FRMD4B: variants seen among roughly 807,000 people sequenced by gnomAD.
FRMD4B encodes FERM domain containing 4B.
FRMD4B carries 74 observed loss-of-function variants against 141.5 expected under a neutral mutation model. That is an observed-to-expected ratio of 0.52 (90% CI 0.43 to 0.63). The LOEUF is 0.63. Among genes scored for constraint, FRMD4B ranks in the 30% least tolerant of loss-of-function variants. The pLI is 0.00. For synonymous variants in FRMD4B, 506 were observed against 467.9 expected, an observed-to-expected ratio of 1.08 and a Z score of -1.05; for missense variants, 1,366 against 1,253.4, an observed-to-expected ratio of 1.09 and a Z score of -1.36.
In FRMD4B at chr3:69,344,494, T is replaced by C. The variant is rs116816182; in HGVS notation, c.163-30977A>G. Among the ~76,000 whole-genome samples the C allele has an allele frequency of 9.5e-3, 1,446 of 152,252 alleles. 24 individuals carry two copies. The highest frequency in any genetic ancestry group is 0.033 in the African/African-American group (1,360 of 41,544). On this transcript the variant is annotated intron_variant, in intron 1 of 22. Coordinates refer to ENST00000398540, the MANE Select transcript of FRMD4B (RefSeq NM_015123.3). ...TACAGAGCATTTCTAAGCTGAAAAA[T>C]AGCCTCAGCATTAGTCTAATCCCTT... is the stretch of plus-strand genomic sequence containing the variant.
At chr3:69,234,590 C>G (rs1432262241) in intron 7 of FRMD4B, among the ~76,000 whole-genome samples, 1 of 152,154 alleles carries the variant, frequency 6.6e-6, no homozygotes, top group African/African-American at 2.4e-5. Flanking sequence ...CTGGACTTAA[C>G]AACTAGAAAT....
At chr3:69,352,738 C>A (rs1247038805) in intron 1 of FRMD4B, among the ~76,000 whole-genome samples, 3 of 152,166 alleles carry the variant, frequency 2.0e-5, no homozygotes, top group Non-Finnish European at 4.4e-5. Flanking sequence ...TGGAAGCCGT[C>A]CCCAAAAATG....
intron 1 of FRMD4B, among the ~76,000 whole-genome samples, chr3:69,533,081 G>C (rs1701026800): frequency 6.6e-6 from 1 of 152,180 alleles, no homozygotes; most frequent in Non-Finnish European, 1.5e-5. Context: ...TTCCACTCTG[G>C]TAATAGTTTA....
At chr3:69,422,661 TATC>T (rs1705000703) in intron 2 of FRMD4B, among the ~76,000 whole-genome samples, 1 of 152,234 alleles carries the variant, frequency 6.6e-6, no homozygotes, top group Admixed American at 6.5e-5. Context: ...TGAAAGCAGC[TATC>T]AACAATATGT....
At chr3:69,274,108 T>C (rs779435662) in intron 5 of FRMD4B, among the ~76,000 whole-genome samples, 5 of 152,010 alleles carry the variant, frequency 3.3e-5, no homozygotes, top group Non-Finnish European at 5.9e-5. Context: ...GTTATTTCAG[T>C]ATGACCGCAG....
intron 7 of FRMD4B, among the ~76,000 whole-genome samples, chr3:69,240,482 C>CAAAAAAA (rs11344881): frequency 9.7e-5 from 7 of 72,428 alleles, no homozygotes; most frequent in Non-Finnish European, 1.2e-4. Flanking sequence ...GACTCTGTCT[C>CAAAAAAA]AAAAAAAAAA....
chr3:69,453,450 T>C (rs1012403475), intron 1 of FRMD4B, among the ~76,000 whole-genome samples: 1 of 152,234 alleles, frequency 6.6e-6, no homozygotes, highest in African/African-American at 2.4e-5. Context: ...AGCACATGTA[T>C]GTAAAAGCAG....
At chr3:69,456,585 G>A (rs1299108398) in intron 1 of FRMD4B, among the ~76,000 whole-genome samples, 2 of 152,040 alleles carry the variant, frequency 1.3e-5, no homozygotes, top group African/African-American at 2.4e-5. Flanking sequence ...TGTTAATCGT[G>A]TCTCCTGCAG....
intron 1 of FRMD4B, among the ~76,000 whole-genome samples, chr3:69,518,439 G>A (rs1199242774): frequency 6.6e-6 from 1 of 152,124 alleles, no homozygotes; most frequent in East Asian, 1.9e-4. Context: ...CATTCTGATG[G>A]TGAATACTGA....
chr3:69,312,148 TGAG>T (rs780228676), intron 2 of FRMD4B, among the ~76,000 whole-genome samples: 41 of 152,184 alleles, frequency 2.7e-4, no homozygotes, highest in Non-Finnish European at 5.4e-4. Context: ...CTGGATCTGC[TGAG>T]AAGAAGCATG....
intron 1 of FRMD4B, among the ~76,000 whole-genome samples, chr3:69,449,731 G>A (rs183397514): frequency 6.6e-6 from 1 of 151,908 alleles, no homozygotes; most frequent in Non-Finnish European, 1.5e-5. Context: ...TTCCCCTAAG[G>A]CTTTTGTTTT....
intron 1 of FRMD4B, among the ~76,000 whole-genome samples, chr3:69,335,726 G>T (rs1702526957): frequency 6.7e-6 from 1 of 148,166 alleles, no homozygotes. Flanking sequence ...TGCTGGGCAG[G>T]ACTGAGTTTT....
chr3:69,332,488 T>C (rs115932091), intron 1 of FRMD4B, among the ~76,000 whole-genome samples: 2,970 of 152,298 alleles, frequency 0.02, 114 homozygotes, highest in African/African-American at 0.067. Flanking sequence ...TCAGGTATCA[T>C]ACCTGTCTGA....
intron 5 of FRMD4B, among the ~76,000 whole-genome samples, chr3:69,257,537 T>C (rs2093500167): frequency 6.6e-6 from 1 of 152,250 alleles, no homozygotes; most frequent in African/African-American, 2.4e-5. Context: ...AAATGCTTTA[T>C]ACTAACCATG....
intron 9 of FRMD4B, among the ~76,000 whole-genome samples, chr3:69,220,778 C>T (rs1243259766): frequency 6.6e-6 from 1 of 152,108 alleles, no homozygotes. Context: ...CGCTTGAACC[C>T]AGGAGGTGGC....
chr3:69,333,563 T>C (rs1037556470), intron 1 of FRMD4B, among the ~76,000 whole-genome samples: 20 of 152,234 alleles, frequency 1.3e-4, no homozygotes, highest in Admixed American at 1.3e-3. Flanking sequence ...CAGAAATTCA[T>C]AGGTACCTCT....
intron 4 of FRMD4B, among the ~76,000 whole-genome samples, chr3:69,294,147 G>A (rs543590527): frequency 7.2e-5 from 11 of 152,298 alleles, no homozygotes; most frequent in African/African-American, 2.2e-4. Flanking sequence ...GAACAATGCT[G>A]AGTTTGTGAC....
At chr3:69,504,988 C>T (rs1039335235) in intron 1 of FRMD4B, among the ~76,000 whole-genome samples, 3 of 152,174 alleles carry the variant, frequency 2.0e-5, no homozygotes, top group Non-Finnish European at 2.9e-5. Context: ...GAGATATTTG[C>T]AATTTTTAAT....
At chr3:69,487,426 G>A (rs536362475) in intron 1 of FRMD4B, among the ~76,000 whole-genome samples, 11 of 152,134 alleles carry the variant, frequency 7.2e-5, no homozygotes, top group African/African-American at 2.7e-4. Context: ...AAGATTTGGG[G>A]GTCTAGAGAT....
Sources: allele counts gnomAD v4.1 joint callset (sites outside exome capture counted in the v4.1 genomes callset), GRCh38; gene constraint gnomAD v4.1.1; transcripts MANE v1.5; gene names NCBI Gene and HGNC (gene_info 2026-07-23, HGNC 2026-07-21).